CRYBG1: variants seen among roughly 807,000 people sequenced by gnomAD.
The protein encoded by CRYBG1 is beta/gamma crystallin domain-containing protein 1.
A neutral mutation model predicts 189.2 loss-of-function variants in CRYBG1; 139 were observed. That is an observed-to-expected ratio of 0.73 (90% CI 0.64 to 0.85). The LOEUF is 0.85. Among genes scored for constraint, CRYBG1 ranks in the 40% least tolerant of loss-of-function variants. The pLI is 0.00. For missense variants in CRYBG1, 2,611 were observed against 2,675.8 expected (o/e 0.98, Z 0.53); for synonymous variants, 1,023 against 1,017.1 (o/e 1.01, Z -0.11).
At chr6:106,409,618 A>G (rs879893944) in intron 1 of CRYBG1, among the ~76,000 whole-genome samples, 2 of 152,210 alleles carry the variant, frequency 1.3e-5, no homozygotes, top group African/African-American at 2.4e-5. Flanking sequence ...ACCTGACTTC[A>G]AACTATACTA....
At chr6:106,462,996 A>G (rs1439735237) in intron 2 of CRYBG1, among the ~76,000 whole-genome samples, 1 of 152,332 alleles carries the variant, frequency 6.6e-6, no homozygotes, top group South Asian at 2.1e-4. Flanking sequence ...CTACAAAAAA[A>G]TTTTAAAATT....
rs146007045 is a variant in CRYBG1 at position 106,482,664 on chromosome 6, A to G, written c.313-28766A>G. 2.2e-3 allele frequency among the ~76,000 whole-genome samples: 341 copies of G among 152,248 alleles called. 1 individual carries two copies. The highest frequency in any genetic ancestry group is 8.9e-3 in the East Asian group (46 of 5,184). On this transcript the variant is annotated intron_variant, in intron 2 of 21. Transcript: ENST00000633556. ...GTGGCGGGCACCTGTATTCCCAGCT[A>G]CTTGGGAGGCTGAGGCAGTAGAATG...
At chr6:106,376,817 G>GTAAAT (rs1770173121) in intron 1 of CRYBG1, among the ~76,000 whole-genome samples, 1 of 152,120 alleles carries the variant, frequency 6.6e-6, no homozygotes, top group South Asian at 2.1e-4. Flanking sequence ...GAATCCAAGT[G>GTAAAT]GTACGCTCTT....
chr6:106,554,856 A>G (rs1247887417), intron 16 of CRYBG1, among the ~76,000 whole-genome samples: 2 of 152,166 alleles, frequency 1.3e-5, no homozygotes, highest in East Asian at 3.9e-4. Flanking sequence ...CTCAAAAGGC[A>G]TTTGTTGGGT....
intron 21 of CRYBG1, among the ~76,000 whole-genome samples, chr6:106,567,887 T>G (rs1194158123): frequency 6.9e-6 from 1 of 145,784 alleles, no homozygotes; most frequent in Non-Finnish European, 1.5e-5. Flanking sequence ...TGAAATTTTA[T>G]CCACCAACTG....
rs1473251866 is a variant in CRYBG1, at chr6:106,512,673, G to A, written c.1556G>A (p.Ser519Asn). ...TCCCCCACGAAGAGGAAGGGCAGGA[G>A]CCGTGCCCTCGAGGCCGTGCCCGCC... ...ASSPTKRKGR[S>N]RALEAVPAPP... The change falls in exon 3 of 22, where the codon AGC becomes AAC. Residue 519 changes from serine (S) to asparagine (N), a missense_variant. This residue lies in a region of CRYBG1 where 985 missense variants were observed against 924.4 expected (regional missense o/e 1.07). Transcript: ENST00000633556. 1 of 1,567,416 alleles carries A rather than the reference G, an allele frequency of 6.4e-7. No homozygotes were observed. Among genetic ancestry groups the A allele is most frequent in the African/African-American group, 1.4e-5 (1 of 73,960 alleles).
intron 10 of CRYBG1, among the ~76,000 whole-genome samples, chr6:106,542,092 T>A (rs1774142631): frequency 6.6e-6 from 1 of 151,710 alleles, no homozygotes; most frequent in Non-Finnish European, 1.5e-5. Flanking sequence ...GTTCCTTCTA[T>A]GTGGTTCTAA....
At chr6:106,529,409 A>G (rs1209938218) in intron 7 of CRYBG1, among the ~76,000 whole-genome samples, 1 of 152,196 alleles carries the variant, frequency 6.6e-6, no homozygotes, top group Non-Finnish European at 1.5e-5. Flanking sequence ...GTCACAGCGT[A>G]TATTTTCAAG....
chr6:106,512,562 C>A lies in CRYBG1; in HGVS notation c.1445C>A (p.Ala482Glu), dbSNP rs766169689. Reference sequence around the variant, plus strand: ...CTCGACGGGGGCGTTGCCTCCGCTGCGAGCCCAGAGTCCAAGCCCAGCCCC... The same window carrying A: ...CTCGACGGGGGCGTTGCCTCCGCTGAGAGCCCAGAGTCCAAGCCCAGCCCC... ...AALDGGVASA[A>E]SPESKPSPGT... Residue 482 changes from alanine (A) to glutamate (E), a missense_variant, in exon 3 of 22, where the codon GCG (alanine) becomes GAG (glutamate). Physicochemically the swap from Ala to Glu is moderately radical, Grantham distance 107. Coordinates refer to ENST00000633556, the MANE Select transcript of CRYBG1 (RefSeq NM_001371242.2). The A allele has an allele frequency of 3.7e-6, 6 of 1,606,918 alleles. No homozygotes were observed. Among genetic ancestry groups the A allele is most frequent in the Non-Finnish European group, 5.1e-6 (6 of 1,177,096 alleles).
chr6:106,448,829 A>G (rs4588719), intron 1 of CRYBG1, among the ~76,000 whole-genome samples: 127,343 of 151,766 alleles, frequency 0.84, 53,468 homozygotes, highest in East Asian at 0.93. Context: ...GGTTGGGTCC[A>G]GTGATCGGTT....
chr6:106,426,981 T>C (rs1771238363), intron 1 of CRYBG1, among the ~76,000 whole-genome samples: 1 of 152,182 alleles, frequency 6.6e-6, no homozygotes, highest in African/African-American at 2.4e-5. Context: ...GTTTCCTTTT[T>C]TTTCTCTGGT....
intron 2 of CRYBG1, among the ~76,000 whole-genome samples, chr6:106,473,719 C>T (rs1772281563): frequency 6.6e-6 from 1 of 152,184 alleles, no homozygotes; most frequent in Non-Finnish European, 1.5e-5. Context: ...CGGTAATATT[C>T]CTGATCTACT....
intron 2 of CRYBG1, among the ~76,000 whole-genome samples, chr6:106,502,889 A>G (rs886445340): frequency 6.6e-6 from 1 of 152,250 alleles, no homozygotes. Flanking sequence ...CTTAAAATCT[A>G]TAAGCCAGAA....
Position 106,521,146 on chromosome 6 carries a change from A to G in CRYBG1, c.3938A>G (p.Asn1313Ser), listed in dbSNP as rs773862291. 5 of 1,614,166 alleles carry G rather than the reference A, an allele frequency of 3.1e-6. No individual in the cohort carries two copies. Among genetic ancestry groups the G allele is most frequent in the Admixed American group, 1.7e-5 (1 of 60,014 alleles). The change falls in exon 4 of 22, where the codon AAT (asparagine) becomes AGT (serine). Residue 1313 changes from asparagine to serine, a missense_variant. Asn to Ser is a conservative substitution (Grantham distance 46). This residue lies in a region of CRYBG1 where 1,622 missense variants were observed against 1,735.0 expected (regional missense o/e 0.93). Coordinates refer to ENST00000633556, the MANE Select transcript of CRYBG1 (RefSeq NM_001371242.2). ...LLPDNSLKVF[N>S]FNSSSTSHSS... is the part of the protein sequence containing the mutation. Reference sequence around the variant, plus strand: ...CCCGACAACTCCTTAAAGGTCTTCAATTTCAACTCGTCAAGTACATCACAC... The same window carrying G: ...CCCGACAACTCCTTAAAGGTCTTCAGTTTCAACTCGTCAAGTACATCACAC...
At position 106,543,523 on chromosome 6, in the gene CRYBG1, TG is replaced by T; in HGVS notation, c.4966del (p.Glu1656LysfsTer19). On this transcript the variant is annotated frameshift_variant, in exon 11 of 22. Transcript: ENST00000633556. LOFTEE classifies it high-confidence loss of function. ...TGTGTAGTTTTGTCATGGAGGGAGG[TG>T]AAACAGAAGAGGCGACTGGAGACGA... ...GMCSFVMEGG[E>X]TEEATGDDHL... The T allele has an allele frequency of 6.2e-7, 1 of 1,613,796 alleles. No individual in the cohort carries two copies. Among genetic ancestry groups the T allele is most frequent in the Non-Finnish European group, 8.5e-7 (1 of 1,179,908 alleles).
intron 1 of CRYBG1, among the ~76,000 whole-genome samples, chr6:106,422,803 G>A (rs1295408214): frequency 6.6e-6 from 1 of 152,214 alleles, no homozygotes; most frequent in Non-Finnish European, 1.5e-5. Context: ...AATGGGGACT[G>A]AGTCAACAGC....
At chr6:106,503,746 G>A (rs1262460282) in intron 2 of CRYBG1, among the ~76,000 whole-genome samples, 1 of 152,002 alleles carries the variant, frequency 6.6e-6, no homozygotes, top group Non-Finnish European at 1.5e-5. Flanking sequence ...AAACAATTAG[G>A]TTTCACTTTG....
At chr6:106,518,975 G>A (rs975058283) in intron 3 of CRYBG1, among the ~76,000 whole-genome samples, 156 bp from the exon 4 acceptor site, 192 of 134,362 alleles carry the variant, frequency 1.4e-3, no homozygotes, top group Middle Eastern at 7.6e-3. Context: ...ACATGTGTGC[G>A]CACACACACA....
intron 2 of CRYBG1, among the ~76,000 whole-genome samples, chr6:106,466,222 G>C (rs1490177152): frequency 2.0e-5 from 3 of 152,208 alleles, no homozygotes; most frequent in Non-Finnish European, 4.4e-5. Context: ...AGTGCAGCCT[G>C]CCATGTTTTC....
Sources: gnomAD v4.1 joint callset for allele counts (sites outside exome capture counted in the v4.1 genomes callset) on GRCh38, gnomAD v4.1.1 for gene constraint, gnomAD v4.1.1 regional missense constraint, MANE v1.5 for transcripts, NCBI Gene and HGNC (gene_info 2026-07-23, HGNC 2026-07-21) for gene names.